The following TIA1 variants were observed in gnomAD, a reference collection of about 807,000 sequenced individuals.
TIA1 encodes TIA1 cytotoxic granule associated RNA binding protein.
A neutral mutation model predicts 65.9 loss-of-function variants in TIA1; 23 were observed. The ratio of observed to expected loss-of-function variants is 0.35; its 90% CI spans 0.25 to 0.49. TIA1 has a LOEUF of 0.49. Ranked by LOEUF, TIA1 falls within the 20% of genes least tolerant of loss-of-function variation. TIA1 has a pLI of 0.98. For synonymous variants in TIA1, 147 were observed against 149.4 expected (o/e 0.98, Z 0.12); for missense variants, 371 against 477.9 (o/e 0.78, Z 2.09).
At chr2:70,214,651 A>AAAAAAAAAAAAAAAAAAC (rs1558752008) in intron 11 of TIA1, among the ~76,000 whole-genome samples, 157 bp from the exon 12 acceptor site, 2 of 143,196 alleles carry the variant, frequency 1.4e-5, no homozygotes, top group African/African-American at 2.5e-5. Context: ...AAAAAAAAAA[A>AAAAAAAAAAAAAAAAAAC]AAAAAAACAA....
intron 10 of TIA1, chr2:70,215,983 T>C: frequency 2.0e-6 from 1 of 488,918 alleles, no homozygotes; most frequent in Non-Finnish European, 3.5e-6. Flanking sequence ...CTCAAACTCA[T>C]GACGGTGATC....
chr2:70,223,936 T>A (rs536753250), intron 7 of TIA1, among the ~76,000 whole-genome samples: 31 of 151,892 alleles, frequency 2.0e-4, no homozygotes, highest in Non-Finnish European at 2.9e-4. Context: ...TTATTTATTT[T>A]TTGAGACAGG....
In TIA1 at chr2:70,246,926, G is replaced by A. The variant is rs112194543; in HGVS notation, c.26+1479C>T. Among the ~76,000 whole-genome samples the A allele has an allele frequency of 9.1e-3, 1,381 of 152,196 alleles. 28 individuals are homozygous for A. Among genetic ancestry groups the A allele is most frequent in the African/African-American group, 0.031 (1,291 of 41,542 alleles). On this transcript the variant is annotated intron_variant, in intron 1 of 12. Transcript: ENST00000433529. ...TAAAAAGTAAAAACAAAATTAAAAA[G>A]TTAAAAAGTTAAGTGGTCAGATACT... is the stretch of plus-strand genomic sequence containing the variant.
At position 70,248,391 on chromosome 2, in the gene TIA1, T is replaced by C; in HGVS notation, c.26+14A>G. 1 of 1,599,234 alleles carries C rather than the reference T, an allele frequency of 6.3e-7. No homozygotes were observed. Among genetic ancestry groups the C allele is most frequent in the Non-Finnish European group, 8.5e-7 (1 of 1,179,264 alleles). On this transcript the variant is annotated intron_variant, in intron 1 of 12. Transcript: ENST00000433529. ...ACCACCATCCCGCCTCCCTCATCGC[T>C]GCCCCAGACTCACAGAGTCTTGGGC...
Position 70,243,773 on chromosome 2 carries a change from C to A in TIA1, c.26+4632G>T, listed in dbSNP as rs561865215. Reference sequence around the variant, plus strand: ...TATTGTTGACATCATTCTCACATGCCACATCTAAGCCACTGGTAATTCCTG... The same window carrying A: ...TATTGTTGACATCATTCTCACATGCAACATCTAAGCCACTGGTAATTCCTG... On this transcript the variant is annotated intron_variant, in intron 1 of 12. Transcript: ENST00000433529. 2.0e-5 allele frequency among the ~76,000 whole-genome samples: 3 copies of A among 152,226 alleles called. No homozygotes were observed. In the South Asian group the frequency reaches 6.2e-4, roughly 32 times the overall value.
In TIA1 at chr2:70,236,032, T is replaced by C. The variant is rs759057424; in HGVS notation, c.123+47A>G. 8 of 1,146,060 alleles carry C rather than the reference T, an allele frequency of 7.0e-6. No individual in the cohort carries two copies. In the South Asian group the frequency reaches 1.1e-4, roughly 15 times the overall value. The allele number at this position is 1,146,060 out of a possible 1,614,324, so 71.0% of individuals were successfully genotyped here. A position where few individuals can be genotyped will look rare whatever the true frequency, so the allele number is the denominator to read the frequency against. ...CCTTCCAAGCAATGGCTTTAAGTAA[T>C]GTGTAAAAAAAAAAAGAATAAAGTT... is the stretch of plus-strand genomic sequence containing the variant. On this transcript the variant is annotated intron_variant, in intron 2 of 12. Transcript: ENST00000433529.
Position 70,248,589 on chromosome 2 carries a change from G to C in TIA1, c.-159C>G, listed in dbSNP as rs754753476. On this transcript the variant is annotated 5_prime_UTR_variant, in exon 1 of 13. Coordinates refer to ENST00000433529, the MANE Select transcript of TIA1 (RefSeq NM_022173.4). ...GGCGGCAATTACACTAAACCGCCCG[G>C]CCCAGCGGGAACAATGAAACCCCAA... 6 of 1,031,474 alleles carry C rather than the reference G, an allele frequency of 5.8e-6. No homozygotes were observed. Among genetic ancestry groups the C allele is most frequent in the Non-Finnish European group, 7.2e-6 (5 of 691,038 alleles). 63.9% of individuals were successfully genotyped at this position (1,031,474 alleles called of 1,614,324 possible). A position where few individuals can be genotyped will look rare whatever the true frequency, so the allele number is the denominator to read the frequency against.
At chr2:70,242,369 A>G (rs972908121) in intron 1 of TIA1, among the ~76,000 whole-genome samples, 2 of 151,810 alleles carry the variant, frequency 1.3e-5, no homozygotes, top group African/African-American at 2.4e-5. Context: ...TGCCTCTACT[A>G]AAAACACAAA....
At position 70,209,545 on chromosome 2, in the gene TIA1, G is replaced by T; in HGVS notation, c.*3174C>A. ...CTAAACACAACAGTCAAAATGCAGT[G>T]ACTGTAATGAAATGTAATAACCTCC... On this transcript the variant is annotated 3_prime_UTR_variant, in exon 13 of 13. Coordinates refer to ENST00000433529, the MANE Select transcript of TIA1 (RefSeq NM_022173.4). 2.5e-6 allele frequency: 1 copy of T among 398,188 alleles called. No homozygotes were observed. The highest frequency in any genetic ancestry group is 1.3e-4 in the South Asian group (1 of 7,784). 24.7% of individuals were successfully genotyped at this position (398,188 alleles called of 1,614,324 possible).
At chr2:70,236,045 AAAG>A (rs1558909051) in intron 2 of TIA1, 31 bp downstream of exon 2, 1 of 1,358,130 alleles carries the variant, frequency 7.4e-7, no homozygotes, top group African/African-American at 1.5e-5. Flanking sequence ...GTAAAAAAAA[AAAG>A]AATAAAGTTA....
intron 1 of TIA1, among the ~76,000 whole-genome samples, chr2:70,240,092 T>G (rs1054199543): frequency 1.3e-5 from 2 of 152,202 alleles, no homozygotes; most frequent in Non-Finnish European, 2.9e-5. Flanking sequence ...GTCAAAGTTA[T>G]CACATAGATT....
chr2:70,248,308 G>A, intron 1 of TIA1, 97 bp downstream of exon 1: 2 of 1,389,284 alleles, frequency 1.4e-6, no homozygotes, highest in South Asian at 2.8e-5. Context: ...ATATCGCGGT[G>A]TCCACGGAGA....
Position 70,248,546 on chromosome 2 carries a change from T to C in TIA1, c.-116A>G, listed in dbSNP as rs1417923114. The C allele has an allele frequency of 2.0e-6, 3 of 1,495,668 alleles. No individual in the cohort carries two copies. In the South Asian group the frequency reaches 3.5e-5, roughly 17 times the overall value. The allele number at this position is 1,495,668 out of a possible 1,614,324, so 92.6% of individuals were successfully genotyped here. A position where few individuals can be genotyped will look rare whatever the true frequency, so the allele number is the denominator to read the frequency against. On this transcript the variant is annotated 5_prime_UTR_variant, in exon 1 of 13. Coordinates refer to ENST00000433529, the MANE Select transcript of TIA1 (RefSeq NM_022173.4). ...TGGGGTTTCTCGGCTGACCAGAGGTTACTCCGCCTCCTCCTCCGGCGGCAA... is the reference window on the plus strand; with the variant it reads ...TGGGGTTTCTCGGCTGACCAGAGGTCACTCCGCCTCCTCCTCCGGCGGCAA...
intron 6 of TIA1, among the ~76,000 whole-genome samples, chr2:70,227,476 C>T (rs998295989): frequency 1.3e-5 from 2 of 151,942 alleles, no homozygotes; most frequent in Admixed American, 1.3e-4. Flanking sequence ...GAAAGTAAAA[C>T]ATGTACAATG....
intron 2 of TIA1, among the ~76,000 whole-genome samples, chr2:70,234,903 G>A (rs1447493778): frequency 6.6e-6 from 1 of 151,960 alleles, no homozygotes; most frequent in Non-Finnish European, 1.5e-5. Flanking sequence ...AAGTTGAACT[G>A]GAATACAACA....
At position 70,223,807 on chromosome 2, in the gene TIA1, A is replaced by G. The variant is rs1216880465; in HGVS notation, c.474+747T>C. Among the ~76,000 whole-genome samples the G allele has an allele frequency of 2.0e-5, 3 of 152,130 alleles. No homozygotes were observed. The East Asian group carries it at 5.8e-4, about 29-fold the overall frequency. On this transcript the variant is annotated intron_variant, in intron 7 of 12. Coordinates refer to ENST00000433529, the MANE Select transcript of TIA1 (RefSeq NM_022173.4). ...AGAGATAGGGTCCCACTATATTGCCAGTATTTATCTCAAACTTCTCAGCCT... is the reference window on the plus strand; with the variant it reads ...AGAGATAGGGTCCCACTATATTGCCGGTATTTATCTCAAACTTCTCAGCCT...
chr2:70,217,169 A>G (rs1678967541), intron 7 of TIA1, 175 bp from the exon 8 acceptor site: 2 of 479,572 alleles, frequency 4.2e-6, no homozygotes, highest in Admixed American at 4.3e-5. Context: ...ATATTTTTAA[A>G]TTTTATTTTA....
At chr2:70,215,099 C>T (rs1282497507) in intron 11 of TIA1, 1 of 362,466 alleles carries the variant, frequency 2.8e-6, no homozygotes, top group Non-Finnish European at 5.0e-6. Flanking sequence ...AATAAATCTA[C>T]CAAGTATTAA....
intron 3 of TIA1, among the ~76,000 whole-genome samples, chr2:70,230,353 A>T (rs1418493668): frequency 6.6e-6 from 1 of 152,082 alleles, no homozygotes; most frequent in African/African-American, 2.4e-5. Flanking sequence ...TTTTGCTATA[A>T]AGTGTTTAAT....
Sources: gnomAD v4.1 joint callset for allele counts (sites outside exome capture counted in the v4.1 genomes callset) on GRCh38, gnomAD v4.1.1 for gene constraint, MANE v1.5 for transcripts, NCBI Gene and HGNC (gene_info 2026-07-23, HGNC 2026-07-21) for gene names.